ADGB: variants seen among roughly 807,000 people sequenced by gnomAD.
ADGB encodes the protein androglobin, also known as calpain-7-like protein.
ADGB carries 172 observed loss-of-function variants against 210.5 expected under a neutral mutation model. The ratio of observed to expected loss-of-function variants is 0.82; its 90% CI spans 0.72 to 0.93. The LOEUF is 0.93. ADGB is among the 40% of genes least tolerant of loss of function. ADGB has a pLI of 0.00. For missense variants in ADGB, 2,025 were observed against 1,964.8 expected (o/e 1.03, Z -0.58); for synonymous variants, 658 against 662.7 (o/e 0.99, Z 0.11).
intron 26 of ADGB, 55 bp downstream of exon 26, chr6:146,746,164 A>G (rs1263191329): frequency 1.7e-5 from 22 of 1,259,632 alleles, no homozygotes; most frequent in Non-Finnish European, 2.3e-5. Flanking sequence ...TTAATATTTT[A>G]GGATAAAAAT....
intron 20 of ADGB, among the ~76,000 whole-genome samples, chr6:146,731,160 G>T (rs1776979601): frequency 6.6e-6 from 1 of 152,076 alleles, no homozygotes; most frequent in Non-Finnish European, 1.5e-5. Flanking sequence ...AATGCTGCCT[G>T]AGGCGCAGAT....
chr6:146,635,595 G>T, intron 2 of ADGB, 58 bp downstream of exon 2: 1 of 1,423,114 alleles, frequency 7.0e-7, no homozygotes. Flanking sequence ...ATAATGGAAT[G>T]AGATTTGTAA....
At chr6:146,684,704 C>G (rs184337952) in intron 9 of ADGB, among the ~76,000 whole-genome samples, 246 of 152,064 alleles carry the variant, frequency 1.6e-3, no homozygotes, top group Admixed American at 4.4e-3. Flanking sequence ...AAATTATTAA[C>G]CAAGCCTCTG....
At chr6:146,734,156 A>G in intron 22 of ADGB, 126 bp downstream of exon 22, 1 of 960,076 alleles carries the variant, frequency 1.0e-6, no homozygotes, top group Non-Finnish European at 1.5e-6. Context: ...CTAAATAATG[A>G]AATTATTTGA....
intron 33 of ADGB, among the ~76,000 whole-genome samples, chr6:146,791,322 A>G (rs1562302105): frequency 6.6e-6 from 1 of 151,930 alleles, no homozygotes; most frequent in Non-Finnish European, 1.5e-5. Flanking sequence ...TACTTTCTGG[A>G]CTTATGTTTA....
rs1344524456 is a variant in ADGB, at chr6:146,676,194, A to C, written c.1088-119A>C. The C allele has an allele frequency of 4.4e-6, 4 of 911,572 alleles. No homozygotes were observed. In the African/African-American group the frequency reaches 6.8e-5, roughly 16 times the overall value. The allele number at this position is 911,572 out of a possible 1,614,324, so 56.5% of individuals were successfully genotyped here. A position where few individuals can be genotyped will look rare whatever the true frequency, so the allele number is the denominator to read the frequency against. ...TCATGTTTTGGAGAAATTATGGCATAATTTTACATTAAATAATACTATTAT... is the reference window on the plus strand; with the variant it reads ...TCATGTTTTGGAGAAATTATGGCATCATTTTACATTAAATAATACTATTAT... On this transcript the variant is annotated intron_variant, in intron 8 of 35. Transcript: ENST00000397944.
intron 23 of ADGB, among the ~76,000 whole-genome samples, chr6:146,737,588 C>A (rs1777098092): frequency 6.6e-6 from 1 of 152,138 alleles, no homozygotes; most frequent in African/African-American, 2.4e-5. Flanking sequence ...ACTCCAGAAC[C>A]CATTTCCTAA....
At chr6:146,609,380 T>C (rs1159571796) in intron 1 of ADGB, among the ~76,000 whole-genome samples, 1 of 152,182 alleles carries the variant, frequency 6.6e-6, no homozygotes, top group African/African-American at 2.4e-5. Flanking sequence ...ACATTCAGGG[T>C]TAACAATGTG....
intron 26 of ADGB, among the ~76,000 whole-genome samples, chr6:146,748,307 C>T (rs1777270819): frequency 6.6e-6 from 1 of 152,030 alleles, no homozygotes; most frequent in South Asian, 2.1e-4. Flanking sequence ...GCATATTGAC[C>T]TGTGAGGACT....
In ADGB at chr6:146,629,222, A is replaced by G. The variant is rs1009388747; in HGVS notation, c.75-6153A>G. Among the ~76,000 whole-genome samples the G allele has an allele frequency of 7.2e-5, 11 of 152,336 alleles. No individual in the cohort carries two copies. In the South Asian group the frequency reaches 1.4e-3, roughly 20 times the overall value. ...ATACTTAAAAGATCCCAACTATACT[A>G]GAGCAGTGGGTATATTCTGCCAGTG... On this transcript the variant is annotated intron_variant, in intron 1 of 35. Coordinates refer to ENST00000397944, the MANE Select transcript of ADGB (RefSeq NM_024694.4).
At chr6:146,650,149 A>G (rs1775679859) in intron 3 of ADGB, among the ~76,000 whole-genome samples, 1 of 152,216 alleles carries the variant, frequency 6.6e-6, no homozygotes, top group Admixed American at 6.5e-5. Context: ...ATCCTATAAT[A>G]GCTGTGGACC....
At chr6:146,605,972 T>A (rs1780624573) in intron 1 of ADGB, among the ~76,000 whole-genome samples, 1 of 152,208 alleles carries the variant, frequency 6.6e-6, no homozygotes, top group South Asian at 2.1e-4. Flanking sequence ...ATGGTGGTCC[T>A]GTTTTAAGTT....
chr6:146,600,354 T>C, intron 1 of ADGB: 2 of 273,568 alleles, frequency 7.3e-6, no homozygotes, highest in Non-Finnish European at 1.6e-5. Context: ...AGGACGCCCT[T>C]CAGAATCAGG....
chr6:146,785,147 T>C (rs1378010762), intron 31 of ADGB, among the ~76,000 whole-genome samples: 1 of 152,160 alleles, frequency 6.6e-6, no homozygotes, highest in African/African-American at 2.4e-5. Flanking sequence ...TACTACACTT[T>C]GCGCAGCCTT....
chr6:146,814,824 G>C (rs1299652609), intron 35 of ADGB, among the ~76,000 whole-genome samples: 3 of 152,088 alleles, frequency 2.0e-5, no homozygotes, highest in Non-Finnish European at 4.4e-5. Context: ...TTTTTATTTT[G>C]CCATACTGTG....
chr6:146,624,144 T>C (rs1259010647), intron 1 of ADGB, among the ~76,000 whole-genome samples: 1 of 151,818 alleles, frequency 6.6e-6, no homozygotes, highest in African/African-American at 2.4e-5. Context: ...AGTGGAGAAT[T>C]GGTGCTGTTT....
Position 146,599,071 on chromosome 6 carries a change from G to C in ADGB, c.31G>C (p.Val11Leu), listed in dbSNP as rs1780513292. Residue 11 changes from valine (V) to leucine (L), a missense_variant, in exon 1 of 36, where the codon GTG (valine) becomes CTG (leucine). By Grantham distance (32) the Val-to-Leu change is conservative. Transcript: ENST00000397944. ...CTCCAAACAAACCAAAAAGAAAGAG[G>C]TGCATCGTATCAACTCGGCGCACGG... MASKQTKKKE[V>L]HRINSAHGSD... 1 of 1,551,706 alleles carries C rather than the reference G, an allele frequency of 6.4e-7. No homozygotes were observed. The highest frequency in any genetic ancestry group is 8.7e-7 in the Non-Finnish European group (1 of 1,146,996).
chr6:146,600,590 T>C (rs1472949177), intron 1 of ADGB, among the ~76,000 whole-genome samples: 2 of 152,224 alleles, frequency 1.3e-5, no homozygotes, highest in African/African-American at 4.8e-5. Context: ...AGTTACAACC[T>C]CTACTTCTCT....
Position 146,726,253 on chromosome 6 carries a change from G to A in ADGB, c.2352+56G>A, listed in dbSNP as rs140620467. The A allele has an allele frequency of 2.1e-5, 27 of 1,263,876 alleles. 1 individual carries two copies. Among genetic ancestry groups the A allele is most frequent in the African/African-American group, 1.2e-4 (8 of 67,598 alleles). The allele number at this position is 1,263,876 out of a possible 1,614,324, so 78.3% of individuals were successfully genotyped here. A position where few individuals can be genotyped will look rare whatever the true frequency, so the allele number is the denominator to read the frequency against. On this transcript the variant is annotated intron_variant, in intron 19 of 35. Coordinates refer to ENST00000397944, the MANE Select transcript of ADGB (RefSeq NM_024694.4). ...TTTATTTATTTAGAGATGGAGTCTC[G>A]CACTGTTGCCAGGGCTGGAGTGCAG...
Sources: gnomAD v4.1 joint callset for allele counts (sites outside exome capture counted in the v4.1 genomes callset) on GRCh38, gnomAD v4.1.1 for gene constraint, MANE v1.5 for transcripts, NCBI Gene and HGNC (gene_info 2026-07-23, HGNC 2026-07-21) for gene names.